VWA5B1: variants seen among roughly 807,000 people sequenced by gnomAD.
VWA5B1 encodes the protein von Willebrand factor A domain containing 5B1, also known as von Willebrand factor A domain-containing protein 5B1.
In VWA5B1, 115 loss-of-function variants were observed where a neutral mutation model predicts 118.2. The observed-to-expected ratio is 0.97, with a 90% CI of 0.84 to 1.14. The LOEUF (loss-of-function observed/expected upper bound fraction) is 1.14, where lower values mean the gene tolerates loss of function less well. Among genes scored for constraint, VWA5B1 ranks in the 50% most tolerant of loss-of-function variants. VWA5B1 has a pLI of 0.00. For synonymous variants in VWA5B1, 682 were observed against 658.4 expected, an observed-to-expected ratio of 1.04 and a Z score of -0.55; for missense variants, 1,596 against 1,603.8, an observed-to-expected ratio of 1.00 and a Z score of 0.08.
chr1:20,314,749 C>T (rs924039264), intron 4 of VWA5B1, among the ~76,000 whole-genome samples, 157 bp downstream of exon 4: 1 of 152,010 alleles, frequency 6.6e-6, no homozygotes, highest in Non-Finnish European at 1.5e-5. Context: ...TTCTCCCCTG[C>T]TCACTTTTAG....
At chr1:20,342,743 T>G in intron 15 of VWA5B1, 134 bp downstream of exon 15, 2 of 1,159,142 alleles carry the variant, frequency 1.7e-6, no homozygotes, top group Non-Finnish European at 2.4e-6. Flanking sequence ...CTCACCCCTC[T>G]CTGAGGACCT....
chr1:20,350,940 C>G lies in VWA5B1; in HGVS notation c.3023+14C>G, dbSNP rs1332539961. The stretch of plus-strand genomic sequence containing the variant: ...CTTTGGATCCTGGTAGGTGGGATTT[C>G]CAATAAAGGTACACTCTCCTGCCAC... On this transcript the variant is annotated intron_variant, in intron 20 of 21. Coordinates refer to ENST00000289815, the MANE Select transcript of VWA5B1 (RefSeq NM_001039500.3). 4.5e-6 allele frequency: 7 copies of G among 1,551,248 alleles called. No homozygotes were observed. The highest frequency in any genetic ancestry group is 5.2e-6 in the Non-Finnish European group (6 of 1,146,542).
chr1:20,345,905 A>T (rs1213707303), intron 17 of VWA5B1, among the ~76,000 whole-genome samples: 1 of 152,250 alleles, frequency 6.6e-6, no homozygotes, highest in African/African-American at 2.4e-5. Context: ...ATAGAAAGAT[A>T]TAAAATGTAA....
rs1428056571 is a variant in VWA5B1 at position 20,312,898 on chromosome 1, G to A, written c.202G>A (p.Asp68Asn). The change falls in exon 3 of 22, where the codon GAC (aspartate) becomes AAC (asparagine). Residue 68 changes from aspartate to asparagine, a missense_variant. Physicochemically the swap from Asp to Asn is conservative, Grantham distance 23. Coordinates refer to ENST00000289815, the MANE Select transcript of VWA5B1 (RefSeq NM_001039500.3). ...TVIGFEAVIA[D>N]RVVTVQIKDK... Reference sequence around the variant, plus strand: ...GATCGGCTTTGAGGCAGTCATTGCCGACCGTGTCGTGACAGTACAGATCAA... The same window carrying A: ...GATCGGCTTTGAGGCAGTCATTGCCAACCGTGTCGTGACAGTACAGATCAA... The A allele has an allele frequency of 1.3e-6, 2 of 1,551,648 alleles. No homozygotes were observed. The highest frequency in any genetic ancestry group is 1.7e-4 in the Middle Eastern group (1 of 5,992).
At chr1:20,292,171 C>A (rs2088321748) in intron 1 of VWA5B1, among the ~76,000 whole-genome samples, 1 of 151,354 alleles carries the variant, frequency 6.6e-6, no homozygotes, top group Non-Finnish European at 1.5e-5. Flanking sequence ...TTTCTTTCCT[C>A]CCCCCCTCCT....
At position 20,348,236 on chromosome 1, in the gene VWA5B1, T is replaced by G; in HGVS notation, c.2765-9T>G. ...CCCAACCACCCGCTTCCCCTTGTCT[T>G]CCGCGAAGGAGCTGCCCTGCGTATG... On this transcript the variant is annotated splice_polypyrimidine_tract_variant and intron_variant, in intron 17 of 21. Coordinates refer to ENST00000289815, the MANE Select transcript of VWA5B1 (RefSeq NM_001039500.3). The G allele has an allele frequency of 6.4e-7, 1 of 1,551,326 alleles. No homozygotes were observed. Among genetic ancestry groups the G allele is most frequent in the South Asian group, 1.2e-5 (1 of 84,052 alleles).
At chr1:20,342,333 G>A in intron 14 of VWA5B1, 99 bp from the exon 15 acceptor site, 1 of 1,322,260 alleles carries the variant, frequency 7.6e-7, no homozygotes, top group South Asian at 1.4e-5. Flanking sequence ...GGAGCAGAAG[G>A]AAGGAGGGTC....
intron 7 of VWA5B1, among the ~76,000 whole-genome samples, chr1:20,321,335 G>A (rs1430900171): frequency 1.3e-5 from 2 of 152,146 alleles, no homozygotes; most frequent in Non-Finnish European, 2.9e-5. Flanking sequence ...CCCTGCAATC[G>A]CAGCACTCTG....
chr1:20,335,115 C>T (rs2089674929), intron 12 of VWA5B1, among the ~76,000 whole-genome samples: 1 of 152,110 alleles, frequency 6.6e-6, no homozygotes. Context: ...TCAAGACCAG[C>T]CTGGGCAACC....
chr1:20,319,716 G>A (rs1337290386), intron 7 of VWA5B1, among the ~76,000 whole-genome samples: 1 of 152,136 alleles, frequency 6.6e-6, no homozygotes, highest in Non-Finnish European at 1.5e-5. Flanking sequence ...CTCTATTCCC[G>A]CCTCCTGCCA....
At chr1:20,301,650 T>A (rs1238383378) in intron 1 of VWA5B1, among the ~76,000 whole-genome samples, 1 of 152,172 alleles carries the variant, frequency 6.6e-6, no homozygotes, top group Non-Finnish European at 1.5e-5. Flanking sequence ...CACCAGCCGG[T>A]GAGCCCCTCA....
intron 11 of VWA5B1, among the ~76,000 whole-genome samples, chr1:20,332,479 CAAAATAAAATAAAATAAAATAAAAT>C (rs56767113): frequency 1.3e-3 from 112 of 88,764 alleles, no homozygotes; most frequent in East Asian, 7.8e-3. Context: ...GACTCTGTCT[CAAAATAAAATAAAATAAAATAAAAT>C]AAAATAAAAT....
At chr1:20,303,946 G>C (rs893021148) in intron 1 of VWA5B1, among the ~76,000 whole-genome samples, 2 of 152,212 alleles carry the variant, frequency 1.3e-5, no homozygotes, top group Non-Finnish European at 2.9e-5. Context: ...ATTCAGCTTG[G>C]CCACTTTCTG....
intron 19 of VWA5B1, among the ~76,000 whole-genome samples, chr1:20,350,480 C>A (rs561064021): frequency 9.9e-5 from 15 of 152,182 alleles, no homozygotes; most frequent in Non-Finnish European, 1.8e-4. Flanking sequence ...TCCTAGTTCC[C>A]CGCTGAGGGA....
chr1:20,345,657 G>A, intron 17 of VWA5B1, 64 bp downstream of exon 17: 2 of 1,474,324 alleles, frequency 1.4e-6, no homozygotes, highest in Non-Finnish European at 1.8e-6. Context: ...ACTAGGGGAG[G>A]GGGCTGAGAT....
intron 2 of VWA5B1, among the ~76,000 whole-genome samples, chr1:20,311,992 C>T (rs1263807247): frequency 6.6e-6 from 1 of 152,194 alleles, no homozygotes; most frequent in Admixed American, 6.5e-5. Context: ...GAACAAGTGC[C>T]CCCATTTTAC....
intron 6 of VWA5B1, 105 bp downstream of exon 6, chr1:20,318,826 G>A (rs1407768266): frequency 5.0e-6 from 7 of 1,405,942 alleles, no homozygotes; most frequent in Admixed American, 3.1e-5. Flanking sequence ...TAGCTAGCCA[G>A]GGAAAGAGTC....
At chr1:20,313,056 C>T in intron 3 of VWA5B1, 68 bp downstream of exon 3, 1 of 1,519,004 alleles carries the variant, frequency 6.6e-7, no homozygotes, top group Non-Finnish European at 8.9e-7. Context: ...GGGCTGGAGC[C>T]TCAGGCCAAC....
rs2090192108 is a variant in VWA5B1, at chr1:20,354,330, C to T, written c.*67C>T. 5 of 1,474,236 alleles carry T rather than the reference C, an allele frequency of 3.4e-6. 1 individual carries two copies. The South Asian group carries it at 5.6e-5, about 16-fold the overall frequency. 91.3% of individuals were successfully genotyped at this position (1,474,236 alleles called of 1,614,324 possible). On this transcript the variant is annotated 3_prime_UTR_variant, in exon 22 of 22. Transcript: ENST00000289815. ...AGAGGGATGGGCAGGGCCATGTCGG[C>T]CTGGTTTCGGGGAGCTTTTGGAGCT...
Sources: allele counts gnomAD v4.1 joint callset (sites outside exome capture counted in the v4.1 genomes callset), GRCh38; gene constraint gnomAD v4.1.1; transcripts MANE v1.5; gene names NCBI Gene and HGNC (gene_info 2026-07-23, HGNC 2026-07-21).